HACL2: variants seen among roughly 807,000 people sequenced by gnomAD.
The protein encoded by HACL2 is 2-hydroxyacyl-CoA lyase 1 like.
the HACL2 span, among the ~76,000 whole-genome samples, chr19:15,121,429 G>C: frequency 6.6e-6 from 1 of 152,054 alleles, no homozygotes; most frequent in African/African-American, 2.4e-5. Flanking sequence ...TGGAAAGGAA[G>C]GGCCAAGGAC....
the HACL2 span, chr19:15,115,675 C>T: frequency 6.2e-7 from 1 of 1,612,828 alleles, no homozygotes; most frequent in Non-Finnish European, 8.5e-7. Flanking sequence ...CTGGGATCTA[C>T]AGGAAGATGA....
the HACL2 span, among the ~76,000 whole-genome samples, chr19:15,119,697 C>A: frequency 6.6e-5 from 10 of 152,232 alleles, no homozygotes; most frequent in Middle Eastern, 3.4e-3. Flanking sequence ...ATTACAGGCG[C>A]GTGCCACCAT....
At chr19:15,115,194 AC>A in the HACL2 span, 3 of 1,602,206 alleles carry the variant, frequency 1.9e-6, no homozygotes, top group African/African-American at 4.0e-5. Context: ...GAGACTCCAA[AC>A]CAGCTGGACA....
chr19:15,125,075 A>C, the HACL2 span: 3 of 1,527,594 alleles, frequency 2.0e-6, no homozygotes, highest in African/African-American at 4.2e-5. Context: ...GGTACCTAAG[A>C]GAGAAAGGGC....
the HACL2 span, chr19:15,116,368 C>CG: frequency 6.2e-7 from 1 of 1,613,882 alleles, no homozygotes; most frequent in Non-Finnish European, 8.5e-7. Flanking sequence ...CAGGGTCTGC[C>CG]GGGAACCCCC....
the HACL2 span, chr19:15,119,190 T>C: frequency 6.3e-7 from 1 of 1,584,550 alleles, no homozygotes; most frequent in South Asian, 1.2e-5. Flanking sequence ...ACATCCGCCT[T>C]CTTCAGGGCC....
chr19:15,116,123 C>T, the HACL2 span: 3 of 1,613,180 alleles, frequency 1.9e-6, no homozygotes, highest in Non-Finnish European at 1.7e-6. Context: ...GGATGGTGCC[C>T]ACTGCCCCAG....
At chr19:15,121,955 T>C in the HACL2 span, among the ~76,000 whole-genome samples, 3 of 144,590 alleles carry the variant, frequency 2.1e-5, no homozygotes, top group South Asian at 2.2e-4. Flanking sequence ...TGGAGTGCAG[T>C]AGCACGATCT....
chr19:15,122,306 C>T, the HACL2 span, among the ~76,000 whole-genome samples: 2 of 151,610 alleles, frequency 1.3e-5, no homozygotes. This position sits in a 1 kb window ranked among gnomAD's most constrained non-coding sequence, Gnocchi z 4.0. Flanking sequence ...TTCCGAGGTT[C>T]AAGGATCATC....
chr19:15,122,437 G>C, the HACL2 span, among the ~76,000 whole-genome samples: 1 of 152,048 alleles, frequency 6.6e-6, no homozygotes, highest in South Asian at 2.1e-4. The surrounding 1 kb of genome is among the most constrained non-coding windows in gnomAD (Gnocchi z 4.0). Flanking sequence ...GAGAAGAAAG[G>C]GAAAAGGAGG....
chr19:15,124,904 C>T, the HACL2 span: 1 of 1,591,940 alleles, frequency 6.3e-7, no homozygotes, highest in Admixed American at 1.8e-5. Context: ...CCCAGCCCAC[C>T]TCCCATTCTG....
chr19:15,119,960 A>G, the HACL2 span: 5 of 1,516,994 alleles, frequency 3.3e-6, no homozygotes, highest in South Asian at 1.2e-5. Context: ...GGGTCCTCAG[A>G]CACAAAAGAG....
At chr19:15,123,028 G>C in the HACL2 span, 1 of 1,605,366 alleles carries the variant, frequency 6.2e-7, no homozygotes, top group Non-Finnish European at 8.5e-7. The surrounding 1 kb of genome is among the most constrained non-coding windows in gnomAD (Gnocchi z 5.1). Context: ...GCGCACCCCG[G>C]TTCTGGCAAA....
chr19:15,124,849 G>A, the HACL2 span: 28 of 1,529,042 alleles, frequency 1.8e-5, no homozygotes, highest in Non-Finnish European at 2.3e-5. Context: ...TGCACAATGA[G>A]TGAGCTGGAA....
At chr19:15,116,993 G>A in the HACL2 span, 559 of 176,938 alleles carry the variant, frequency 3.2e-3, 1 homozygote, top group African/African-American at 0.013. Context: ...CTCTGCCGCT[G>A]TTCATCTCCA....
chr19:15,124,680 G>A, the HACL2 span: 1 of 537,276 alleles, frequency 1.9e-6, no homozygotes, highest in Non-Finnish European at 3.3e-6. Flanking sequence ...GGGGAAGGAG[G>A]TAGGTGGGGT....
chr19:15,120,767 A>G, the HACL2 span, among the ~76,000 whole-genome samples: 5 of 152,350 alleles, frequency 3.3e-5, no homozygotes, highest in East Asian at 9.7e-4. Flanking sequence ...AGGCCAAGAC[A>G]GCACAGAAGC....
At chr19:15,117,504 A>T in the HACL2 span, 1,027 of 172,066 alleles carry the variant, frequency 6.0e-3, 4 homozygotes, top group Middle Eastern at 0.012. Context: ...TGAGATGCTG[A>T]TTCCACAAAA....
At chr19:15,121,619 G>A in the HACL2 span, among the ~76,000 whole-genome samples, 3 of 151,924 alleles carry the variant, frequency 2.0e-5, no homozygotes, top group Admixed American at 2.0e-4. Flanking sequence ...GACCAGCCTG[G>A]CCAACATGAT....
Sources: allele counts gnomAD v4.1 joint callset (sites outside exome capture counted in the v4.1 genomes callset), GRCh38; gene constraint gnomAD v4.1.1; non-coding constraint Gnocchi (gnomAD v3.1); transcripts MANE v1.5; gene names NCBI Gene and HGNC (gene_info 2026-07-23, HGNC 2026-07-21).